The following FAM151B variants were observed in gnomAD, a reference collection of about 807,000 sequenced individuals.
FAM151B encodes family with sequence similarity 151 member B.
In FAM151B, 24 loss-of-function variants were observed where a neutral mutation model predicts 31.2. The ratio of observed to expected loss-of-function variants is 0.77; its 90% confidence interval spans 0.56 to 1.08. The LOEUF (loss-of-function observed/expected upper bound fraction) is 1.08, where lower values mean the gene tolerates loss of function less well. Ranked by LOEUF, FAM151B falls within the 50% of genes least tolerant of loss-of-function variation. The probability of loss-of-function intolerance (pLI) is 0.00; values close to 1 mark genes in which losing one functional copy is unlikely to be tolerated. For missense variants in FAM151B, 293 were observed against 328.6 expected (o/e 0.89, Z 0.84); for synonymous variants, 105 against 111.4 (o/e 0.94, Z 0.36).
In FAM151B at chr5:80,512,575, G is replaced by A. The variant is rs188567010; in HGVS notation, c.152-1029G>A. The stretch of plus-strand genomic sequence containing the variant: ...AGATTACTTGAGCCCAAGAGTTCAC[G>A]ACCAGCCTGGGCAACATAGTGAGAC... On this transcript the variant is annotated intron_variant, in intron 2 of 5. Transcript: ENST00000282226. Among the ~76,000 whole-genome samples, 211 of 151,812 alleles carry A rather than the reference G, an allele frequency of 1.4e-3. 2 individuals are homozygous for A. Among genetic ancestry groups the A allele is most frequent in the African/African-American group, 4.9e-3 (204 of 41,370 alleles).
chr5:80,503,837 C>T (rs991360269), intron 2 of FAM151B, among the ~76,000 whole-genome samples: 3 of 151,980 alleles, frequency 2.0e-5, no homozygotes, highest in South Asian at 2.1e-4. Context: ...GGTGAGGCAA[C>T]GTATGCCTTG....
intron 2 of FAM151B, chr5:80,510,603 A>G (rs2112621870): frequency 6.6e-6 from 1 of 152,326 alleles, no homozygotes; most frequent in African/African-American, 2.4e-5. Context: ...AAAATCCTTA[A>G]TATCTAATTG....
At chr5:80,498,239 A>G (rs907487952) in intron 1 of FAM151B, among the ~76,000 whole-genome samples, 3 of 152,220 alleles carry the variant, frequency 2.0e-5, no homozygotes, top group Non-Finnish European at 4.4e-5. Flanking sequence ...TGAAAGGTCT[A>G]TGACTCTATT....
At chr5:80,505,125 T>G (rs1033358422) in intron 2 of FAM151B, among the ~76,000 whole-genome samples, 1 of 152,330 alleles carries the variant, frequency 6.6e-6, no homozygotes, top group East Asian at 1.9e-4. Flanking sequence ...AGAATTGCAT[T>G]TGATAGAGAA....
intron 5 of FAM151B, among the ~76,000 whole-genome samples, chr5:80,536,373 A>T (rs1745517896): frequency 6.6e-6 from 1 of 151,530 alleles, no homozygotes; most frequent in African/African-American, 2.4e-5. Flanking sequence ...ACGGAGTTTC[A>T]CCATCCTGGC....
At chr5:80,493,110 A>G (rs1032507442) in intron 1 of FAM151B, among the ~76,000 whole-genome samples, 1 of 152,240 alleles carries the variant, frequency 6.6e-6, no homozygotes, top group African/African-American at 2.4e-5. Context: ...CATGGAACAC[A>G]CAAATTATAA....
intron 5 of FAM151B, among the ~76,000 whole-genome samples, chr5:80,526,948 T>A (rs1390485839): frequency 2.6e-5 from 4 of 152,118 alleles, no homozygotes; most frequent in Non-Finnish European, 4.4e-5. Flanking sequence ...CAGTAAAGAA[T>A]TATCTAGCTG....
chr5:80,531,576 A>G (rs898329402), intron 5 of FAM151B, among the ~76,000 whole-genome samples: 1 of 152,236 alleles, frequency 6.6e-6, no homozygotes, highest in African/African-American at 2.4e-5. Context: ...AAGTGGGCGA[A>G]GGATATGAAC....
chr5:80,489,933 A>G (rs576671197), intron 1 of FAM151B, among the ~76,000 whole-genome samples: 3 of 151,752 alleles, frequency 2.0e-5, no homozygotes, highest in African/African-American at 7.3e-5. Context: ...AAACAAAAAC[A>G]AAAACAAAAA....
At chr5:80,520,813 G>GT (rs1327482360) in intron 4 of FAM151B, among the ~76,000 whole-genome samples, 2,514 of 132,230 alleles carry the variant, frequency 0.019, 60 homozygotes, top group African/African-American at 0.059. Flanking sequence ...TTTCCATGTG[G>GT]TTTTTTTTTT....
chr5:80,499,295 G>C (rs1210901355), intron 1 of FAM151B, among the ~76,000 whole-genome samples: 1 of 152,082 alleles, frequency 6.6e-6, no homozygotes. Context: ...AAGTTTTAAT[G>C]CTTAATCAAG....
intron 1 of FAM151B, chr5:80,499,899 G>T (rs1743681904): frequency 6.7e-6 from 1 of 149,202 alleles, no homozygotes. Flanking sequence ...CCCTTTTCCG[G>T]GCACATACCC....
At chr5:80,538,440 CTTTCTTTCTCTTTCTTTCTTTCTTTCTT>C (rs1745655352) in intron 5 of FAM151B, among the ~76,000 whole-genome samples, 2 of 59,874 alleles carry the variant, frequency 3.3e-5, no homozygotes, top group African/African-American at 9.5e-5. Context: ...TTCTTTCTTT[CTTTCTTTCTCTTTCTTTCTTTCTTTCTT>C]TCTTTCTTTC....
intron 1 of FAM151B, chr5:80,498,900 C>T: frequency 3.1e-6 from 1 of 325,028 alleles, no homozygotes; most frequent in Non-Finnish European, 6.0e-6. Flanking sequence ...TGGATTTTGG[C>T]CTTTACCTTT....
At chr5:80,503,441 TACCTGTA>T (rs1181538199) in intron 2 of FAM151B, among the ~76,000 whole-genome samples, 1 of 152,038 alleles carries the variant, frequency 6.6e-6, no homozygotes, top group Non-Finnish European at 1.5e-5. Context: ...TGGTGGCATG[TACCTGTA>T]GTCACAGCTA....
Position 80,503,722 on chromosome 5 carries a change from T to G in FAM151B, c.151+1805T>G, listed in dbSNP as rs537086833. Among the ~76,000 whole-genome samples the G allele has an allele frequency of 3.9e-5, 6 of 152,286 alleles. No homozygotes were observed. In the South Asian group the frequency reaches 1.0e-3, roughly 26 times the overall value. On this transcript the variant is annotated intron_variant, in intron 2 of 5. Transcript: ENST00000282226. Reference sequence around the variant, plus strand: ...AATAATAGTATATACAAAGCCCTTTTGCCATCATAGCCTGGGGATGGTGAA... The same window carrying G: ...AATAATAGTATATACAAAGCCCTTTGGCCATCATAGCCTGGGGATGGTGAA...
Position 80,541,635 on chromosome 5 carries a change from C to T in FAM151B, c.672-38C>T, listed in dbSNP as rs190610363. 2.4e-4 allele frequency: 379 copies of T among 1,592,578 alleles called. 2 individuals carry two copies. The African/African-American group carries it at 4.7e-3, about 20-fold the overall frequency. On this transcript the variant is annotated intron_variant, in intron 5 of 5. Transcript: ENST00000282226. ...ATTGGAATGACTCATCGCTTTCTTC[C>T]ACTTTTAACTGTATAATTCTGTTTT...
rs11309479 is a variant in FAM151B, at chr5:80,538,992, C to CT, written c.672-2664dup. 9.1e-3 allele frequency among the ~76,000 whole-genome samples: 1,063 copies of CT among 117,092 alleles called. 5 individuals are homozygous for CT. Among genetic ancestry groups the CT allele is most frequent in the African/African-American group, 0.024 (734 of 30,858 alleles). The allele number at this position is 117,092 out of a possible 152,430, so 76.8% of individuals were successfully genotyped here. ...TTGCTTTTTTTTTCTTTTCCTTCCT[C>CT]TTTTTTTTTTTTTTTTTGACTTAAT... On this transcript the variant is annotated intron_variant, in intron 5 of 5. Coordinates refer to ENST00000282226, the MANE Select transcript of FAM151B (RefSeq NM_205548.3).
In FAM151B at chr5:80,494,456, TTTTCTTTCTTTCTTTCTTTC is replaced by T. The variant is rs3043120; in HGVS notation, c.25+6360_25+6379del. On this transcript the variant is annotated intron_variant, in intron 1 of 5. Coordinates refer to ENST00000282226, the MANE Select transcript of FAM151B (RefSeq NM_205548.3). Reference sequence around the variant, plus strand: ...GTCTTTCTTTCTTTTTCTTTCTTTCTTTTCTTTCTTTCTTTCTTTCTTTCTTTCTTTCTTTCTTTCTTTCT... The same window carrying T: ...GTCTTTCTTTCTTTTTCTTTCTTTCTTTTCTTTCTTTCTTTCTTTCTTTCT... 2.5e-3 allele frequency among the ~76,000 whole-genome samples: 205 copies of T among 82,732 alleles called. 1 individual carries two copies. Among genetic ancestry groups the T allele is most frequent in the African/African-American group, 4.9e-3 (112 of 22,912 alleles). The allele number at this position is 82,732 out of a possible 152,430, so 54.3% of individuals were successfully genotyped here.
Sources: allele counts gnomAD v4.1 joint callset (sites outside exome capture counted in the v4.1 genomes callset), GRCh38; gene constraint gnomAD v4.1.1; transcripts MANE v1.5; gene names NCBI Gene and HGNC (gene_info 2026-07-23, HGNC 2026-07-21).